Variants in CTCF observed in about 807,000 individuals in gnomAD.
CTCF encodes the protein transcriptional repressor CTCF.
CTCF carries 7 observed loss-of-function variants against 72.3 expected under a neutral mutation model. The observed-to-expected ratio is 0.10, with a 90% CI of 0.06 to 0.18. The LOEUF is 0.18. CTCF is among the 10% of genes least tolerant of loss of function. The probability of loss-of-function intolerance (pLI) is 1.00; values close to 1 mark genes in which losing one functional copy is unlikely to be tolerated. For synonymous variants in CTCF, 374 were observed against 315.8 expected (o/e 1.18, Z -1.95); for missense variants, 516 against 949.1 (o/e 0.54, Z 6.00).
intron 2 of CTCF, among the ~76,000 whole-genome samples, chr16:67,609,623 T>TC (rs2052030378): frequency 6.7e-6 from 1 of 150,110 alleles, no homozygotes; most frequent in South Asian, 2.1e-4. Flanking sequence ...GCCTGATAAT[T>TC]CTTTTTTTTT....
intron 2 of CTCF, among the ~76,000 whole-genome samples, chr16:67,582,491 A>C (rs1308566423): frequency 1.3e-5 from 2 of 152,054 alleles, no homozygotes; most frequent in Admixed American, 1.3e-4. Context: ...TCAGGAGTTT[A>C]AGACCAGCTT....
At chr16:67,604,155 A>G (rs1373542838) in intron 2 of CTCF, among the ~76,000 whole-genome samples, 1 of 151,242 alleles carries the variant, frequency 6.6e-6, no homozygotes, top group East Asian at 1.9e-4. Context: ...AGAAAAGAAA[A>G]GAAAATTAAT....
intron 8 of CTCF, chr16:67,627,770 A>AAC (rs2052310174): frequency 6.6e-6 from 1 of 152,634 alleles, no homozygotes; most frequent in African/African-American, 2.4e-5. Flanking sequence ...AACACAGTGA[A>AAC]ACCCCGTCTG....
chr16:67,565,280 G>C (rs2051327974), intron 1 of CTCF, among the ~76,000 whole-genome samples: 1 of 152,138 alleles, frequency 6.6e-6, no homozygotes, highest in African/African-American at 2.4e-5. Context: ...GGGATTACAG[G>C]CGTGAGCCAT....
intron 8 of CTCF, 128 bp from the exon 9 acceptor site, chr16:67,628,242 C>G (rs1003387817): frequency 1.3e-6 from 1 of 762,512 alleles, no homozygotes; most frequent in Non-Finnish European, 2.1e-6. Flanking sequence ...TTTATCATCT[C>G]AACAAGCCGT....
At chr16:67,571,371 C>T (rs778024448) in intron 2 of CTCF, 107 bp downstream of exon 2, 1 of 152,400 alleles carries the variant, frequency 6.6e-6, no homozygotes, top group South Asian at 2.1e-4. Context: ...TGCAGGATAT[C>T]AGGTGATTGA....
Position 67,564,017 on chromosome 16 carries a change from G to A in CTCF, c.-127+1293G>A, listed in dbSNP as rs542275665. On this transcript the variant is annotated intron_variant, in intron 1 of 11. Transcript: ENST00000264010. ...AATATCTACGCCTAATGTAACTACT[G>A]TTTAGTAGGAGACTTCCTGTAGCCC... 4 of 152,310 alleles carry A rather than the reference G, an allele frequency of 2.6e-5. No individual in the cohort carries two copies. In the South Asian group the frequency reaches 8.3e-4, roughly 32 times the overall value. 9.4% of individuals were successfully genotyped at this position (152,310 alleles called of 1,614,324 possible). A position where few individuals can be genotyped will look rare whatever the true frequency, so the allele number is the denominator to read the frequency against.
intron 1 of CTCF, among the ~76,000 whole-genome samples, chr16:67,570,315 C>T (rs1299691745): frequency 6.6e-6 from 1 of 151,612 alleles, no homozygotes; most frequent in Non-Finnish European, 1.5e-5. Context: ...CTGCTGACCT[C>T]GTGATCTGTC....
intron 2 of CTCF, among the ~76,000 whole-genome samples, chr16:67,606,775 T>C (rs2051978942): frequency 6.7e-6 from 1 of 149,938 alleles, no homozygotes; most frequent in Non-Finnish European, 1.5e-5. Context: ...TTTTTTTTTT[T>C]TGAGACATAG....
intron 2 of CTCF, among the ~76,000 whole-genome samples, chr16:67,600,749 C>T (rs971286426): frequency 4.6e-5 from 7 of 151,866 alleles, no homozygotes; most frequent in African/African-American, 1.7e-4. Context: ...AGTATGATTT[C>T]ATATATATAC....
At chr16:67,620,656 GT>G in intron 5 of CTCF, 40 bp from the exon 6 acceptor site, 1 of 1,503,554 alleles carries the variant, frequency 6.7e-7, no homozygotes. Context: ...GTTACAGTCT[GT>G]GTTAACAGAA....
At chr16:67,628,893 T>C (rs2052325732) in intron 9 of CTCF, among the ~76,000 whole-genome samples, 1 of 152,086 alleles carries the variant, frequency 6.6e-6, no homozygotes, top group Non-Finnish European at 1.5e-5. Context: ...ACACCGTCTC[T>C]ACTAAAAATA....
intron 7 of CTCF, among the ~76,000 whole-genome samples, chr16:67,624,296 C>T (rs1226048473): frequency 6.6e-6 from 1 of 151,850 alleles, no homozygotes; most frequent in Non-Finnish European, 1.5e-5. Flanking sequence ...CCTCATCTTT[C>T]CCTCTTGTCT....
At chr16:67,628,276 T>G in intron 8 of CTCF, 94 bp from the exon 9 acceptor site, 4 of 1,136,678 alleles carry the variant, frequency 3.5e-6, no homozygotes, top group Non-Finnish European at 5.0e-6. Context: ...CTAGCTTGGG[T>G]GAGAAATACC....
intron 2 of CTCF, among the ~76,000 whole-genome samples, chr16:67,601,438 A>G (rs1379923124): frequency 6.6e-6 from 1 of 151,382 alleles, no homozygotes; most frequent in Non-Finnish European, 1.5e-5. Flanking sequence ...TCTCGGGTTC[A>G]TGCCATTCTC....
At chr16:67,602,331 A>G (rs947156228) in intron 2 of CTCF, among the ~76,000 whole-genome samples, 2 of 152,200 alleles carry the variant, frequency 1.3e-5, no homozygotes, top group African/African-American at 4.8e-5. Context: ...GGATATTTAA[A>G]TAGTCTGGGA....
At chr16:67,629,672 T>C in intron 10 of CTCF, 139 bp downstream of exon 10, 2 of 666,116 alleles carry the variant, frequency 3.0e-6, no homozygotes, top group African/African-American at 1.9e-5. Context: ...TCCTAACGTC[T>C]ATTTACAACA....
intron 5 of CTCF, among the ~76,000 whole-genome samples, chr16:67,620,341 C>G (rs758096142): frequency 2.0e-5 from 3 of 152,062 alleles, no homozygotes; most frequent in Non-Finnish European, 2.9e-5. Context: ...GCTGGGATTA[C>G]AGGCGTGTGC....
intron 10 of CTCF, among the ~76,000 whole-genome samples, chr16:67,633,769 G>T (rs764098798): frequency 2.7e-5 from 4 of 146,190 alleles, no homozygotes; most frequent in African/African-American, 7.8e-5. Context: ...AAGAATTTCC[G>T]TCTTGTCCCC....
Sources: gnomAD v4.1 joint callset for allele counts (sites outside exome capture counted in the v4.1 genomes callset) on GRCh38, gnomAD v4.1.1 for gene constraint, MANE v1.5 for transcripts, NCBI Gene and HGNC (gene_info 2026-07-23, HGNC 2026-07-21) for gene names.